The following XKR6 variants were observed in gnomAD, a reference collection of about 807,000 sequenced individuals.
XKR6 encodes the protein XK related 6, also known as XK-related protein 6.
In XKR6, 22 loss-of-function variants were observed where a neutral mutation model predicts 56.7. The ratio of observed to expected loss-of-function variants is 0.39; its 90% CI spans 0.28 to 0.55. The LOEUF (loss-of-function observed/expected upper bound fraction) is 0.55, where lower values mean the gene tolerates loss of function less well. XKR6 is among the 20% of genes least tolerant of loss of function. The pLI, the probability that XKR6 is intolerant of heterozygous loss-of-function variation, is 0.66. For synonymous variants in XKR6, 524 were observed against 387.8 expected, an observed-to-expected ratio of 1.35 and a Z score of -4.13; for missense variants, 852 against 889.0, an observed-to-expected ratio of 0.96 and a Z score of 0.53.
intron 1 of XKR6, among the ~76,000 whole-genome samples, chr8:10,942,221 A>C (rs1422951006): frequency 2.0e-5 from 3 of 152,154 alleles, no homozygotes; most frequent in Non-Finnish European, 4.4e-5. Flanking sequence ...TACACTTTAC[A>C]CACAGCGTAC....
chr8:11,150,295 CTAGATCATTA>C lies in XKR6; in HGVS notation c.764+50271_764+50280del, dbSNP rs747393134. On this transcript the variant is annotated intron_variant, in intron 1 of 2. Coordinates refer to ENST00000416569, the MANE Select transcript of XKR6 (RefSeq NM_173683.4). The stretch of plus-strand genomic sequence containing the variant: ...GTCATGGATACCCCAAATAACCCAA[CTAGATCATTA>C]TACATTCTATCCATGTAACAAAACA... Among the ~76,000 whole-genome samples the C allele has an allele frequency of 5.2e-3, 788 of 152,300 alleles. 5 individuals carry two copies. Among genetic ancestry groups the C allele is most frequent in the Admixed American group, 0.013 (199 of 15,302 alleles).
chr8:11,078,064 T>C (rs1800321616), intron 1 of XKR6, among the ~76,000 whole-genome samples: 1 of 152,136 alleles, frequency 6.6e-6, no homozygotes. Flanking sequence ...ACAGTGGCGC[T>C]GTTAAAGCCC....
chr8:10,937,913 C>T (rs891062918), intron 1 of XKR6, among the ~76,000 whole-genome samples: 6 of 151,830 alleles, frequency 4.0e-5, no homozygotes, highest in South Asian at 2.1e-4. Context: ...CCTCCTTGAG[C>T]TGTGGTGGGC....
At chr8:11,189,250 A>G (rs1337252241) in intron 1 of XKR6, among the ~76,000 whole-genome samples, 1 of 152,230 alleles carries the variant, frequency 6.6e-6, no homozygotes, top group African/African-American at 2.4e-5. Flanking sequence ...TCCAAGCATA[A>G]TAAAATGCCT....
At chr8:10,913,681 T>C (rs2129112181) in intron 2 of XKR6, among the ~76,000 whole-genome samples, 1 of 152,308 alleles carries the variant, frequency 6.6e-6, no homozygotes, top group South Asian at 2.1e-4. Flanking sequence ...TCGATGCAGA[T>C]GCGGACCAGG....
chr8:10,910,645 G>A (rs73533576), intron 2 of XKR6, among the ~76,000 whole-genome samples: 256 of 152,292 alleles, frequency 1.7e-3, no homozygotes, highest in African/African-American at 5.8e-3. Context: ...GAATATGGTG[G>A]ACAACAGGGA....
At chr8:11,150,333 A>C (rs1466172834) in intron 1 of XKR6, among the ~76,000 whole-genome samples, 3 of 152,220 alleles carry the variant, frequency 2.0e-5, no homozygotes, top group Non-Finnish European at 4.4e-5. Flanking sequence ...ACAAAACACC[A>C]CATGTACCCC....
At chr8:11,147,588 G>A (rs922053777) in intron 1 of XKR6, among the ~76,000 whole-genome samples, 10 of 151,452 alleles carry the variant, frequency 6.6e-5, no homozygotes, top group East Asian at 1.9e-4. Context: ...CCTGGGAGGC[G>A]GAGGTTGCAG....
At chr8:11,065,508 T>C (rs1172864773) in intron 1 of XKR6, among the ~76,000 whole-genome samples, 2 of 152,220 alleles carry the variant, frequency 1.3e-5, no homozygotes, top group African/African-American at 4.8e-5. Flanking sequence ...GAGCGTCATA[T>C]CAGCCACACC....
At chr8:10,982,220 AG>A (rs2129137688) in intron 1 of XKR6, among the ~76,000 whole-genome samples, 1 of 152,376 alleles carries the variant, frequency 6.6e-6, no homozygotes, top group South Asian at 2.1e-4. Context: ...ACAAAATAAA[AG>A]ATAAGAGAAC....
rs1452421197 is a variant in XKR6, at chr8:11,172,302, C to T, written c.764+28274G>A. On this transcript the variant is annotated intron_variant, in intron 1 of 2. Transcript: ENST00000416569. Reference sequence around the variant, plus strand: ...GAAGGATCACCTGAGCCTGGGAGGTCGAGGCTGCGGCAAGCCATGATCAAG... The same window carrying T: ...GAAGGATCACCTGAGCCTGGGAGGTTGAGGCTGCGGCAAGCCATGATCAAG... Among the ~76,000 whole-genome samples, 3 of 152,038 alleles carry T rather than the reference C, an allele frequency of 2.0e-5. No individual in the cohort carries two copies. The East Asian group carries it at 5.8e-4, about 29-fold the overall frequency.
rs201865151 is a variant in XKR6 at position 10,897,955 on chromosome 8, G to A, written c.1923C>T (p.Leu641=). The A allele has an allele frequency of 1.1e-5, 17 of 1,566,052 alleles. No individual in the cohort carries two copies. The East Asian group carries it at 1.8e-4, about 17-fold the overall frequency. The part of the protein sequence containing the change: ...LYELLQYESS[L] ...TCTCAACTTGGTCAAGATGCTCTTA[G>A]AGTGAAGACTCATACTGTAGCAACT... Residue 641 remains leucine (L), a synonymous_variant, in exon 3 of 3, where the codon CTC becomes CTT. Transcript: ENST00000416569.
intron 1 of XKR6, chr8:11,114,147 C>G (rs575546502): frequency 2.5e-6 from 1 of 405,662 alleles, no homozygotes; most frequent in African/African-American, 2.1e-5. Flanking sequence ...AAATCTCTAA[C>G]ATGACACTAA....
chr8:11,192,349 C>T (rs1355373303), intron 1 of XKR6, among the ~76,000 whole-genome samples: 1 of 151,972 alleles, frequency 6.6e-6, no homozygotes, highest in Non-Finnish European at 1.5e-5. Context: ...AATAGAGACA[C>T]CATGTTAGCC....
chr8:11,174,321 G>A (rs1188346072), intron 1 of XKR6, among the ~76,000 whole-genome samples: 1 of 152,154 alleles, frequency 6.6e-6, no homozygotes, highest in Non-Finnish European at 1.5e-5. Flanking sequence ...CAAAACCCAC[G>A]TATTTAAAAC....
chr8:11,004,424 A>T (rs1026363657), intron 1 of XKR6, among the ~76,000 whole-genome samples: 78 of 152,218 alleles, frequency 5.1e-4, no homozygotes, highest in Non-Finnish European at 2.2e-4. Context: ...GTGAGCCGAG[A>T]TCATGACGCC....
At position 10,930,378 on chromosome 8, in the gene XKR6, G is replaced by A. The variant is rs554155624; in HGVS notation, c.765-5548C>T. On this transcript the variant is annotated intron_variant, in intron 1 of 2. Coordinates refer to ENST00000416569, the MANE Select transcript of XKR6 (RefSeq NM_173683.4). ...ATGGTAAATTCTACCAAACAGAGTA[G>A]AAATTGCACCAACTGTACACAATCT... Among the ~76,000 whole-genome samples, 618 of 152,202 alleles carry A rather than the reference G, an allele frequency of 4.1e-3. 16 individuals carry two copies. Among genetic ancestry groups the A allele is most frequent in the Non-Finnish European group, 5.2e-3 (356 of 68,020 alleles).
intron 1 of XKR6, among the ~76,000 whole-genome samples, chr8:10,982,411 A>C (rs1435511868): frequency 6.6e-6 from 1 of 152,230 alleles, no homozygotes; most frequent in African/African-American, 2.4e-5. Flanking sequence ...TCTGGGCTTC[A>C]GGTCCCACCT....
At chr8:11,018,193 G>C (rs1798670559) in intron 1 of XKR6, among the ~76,000 whole-genome samples, 1 of 53,542 alleles carries the variant, frequency 1.9e-5, no homozygotes, top group African/African-American at 6.5e-5. Context: ...CTCCCCCTCA[G>C]GGTGACTCAG....
Sources: gnomAD v4.1 joint callset for allele counts (sites outside exome capture counted in the v4.1 genomes callset) on GRCh38, gnomAD v4.1.1 for gene constraint, MANE v1.5 for transcripts, NCBI Gene and HGNC (gene_info 2026-07-23, HGNC 2026-07-21) for gene names.